Variants in KIF1C observed in about 807,000 individuals in gnomAD.
KIF1C encodes kinesin-like protein KIF1C.
A neutral mutation model predicts 126.5 loss-of-function variants in KIF1C; 61 were observed. The ratio of observed to expected loss-of-function variants is 0.48; its 90% CI spans 0.39 to 0.60. The LOEUF (loss-of-function observed/expected upper bound fraction) is 0.60. KIF1C is among the 20% of genes least tolerant of loss of function. KIF1C has a pLI of 0.00. For synonymous variants in KIF1C, 640 were observed against 580.6 expected, an observed-to-expected ratio of 1.10 and a Z score of -1.47; for missense variants, 1,315 against 1,489.2, an observed-to-expected ratio of 0.88 and a Z score of 1.93.
chr17:5,000,382 A>C, intron 3 of KIF1C, 30 bp downstream of exon 3: 1 of 1,454,830 alleles, frequency 6.9e-7, no homozygotes, highest in Non-Finnish European at 9.4e-7. Flanking sequence ...CTGGCTGGGC[A>C]CAGGCAGGGA....
chr17:5,002,827 G>C lies in KIF1C; in HGVS notation c.705G>C (p.Gly235=). Residue 235 remains glycine (G), a synonymous_variant, in exon 8 of 23, where the codon GGG becomes GGC. Coordinates refer to ENST00000320785, the MANE Select transcript of KIF1C (RefSeq NM_006612.6). ...FTQRCHDQLT[G]LDSEKVSKIS... ...AGCGCTGCCATGACCAGCTCACGGG[G>C]CTGGACTCGGAGAAGGTGGGATCGC... 19 of 1,611,990 alleles carry C rather than the reference G, an allele frequency of 1.2e-5. No individual in the cohort carries two copies. The highest frequency in any genetic ancestry group is 1.6e-5 in the Non-Finnish European group (19 of 1,179,560).
Position 5,023,196 on chromosome 17 carries a change from A to G in KIF1C, c.2629-272A>G, listed in dbSNP as rs776478256. On this transcript the variant is annotated intron_variant, in intron 22 of 22. Transcript: ENST00000320785. This position sits in a 1 kb window ranked among gnomAD's most constrained non-coding sequence, Gnocchi z 4.2. Reference sequence around the variant, plus strand: ...CACCCGGCTAATTTTTTTTTTTTGTATTTTAGTAGAGACGGGGTTTCACCA... The same window carrying G: ...CACCCGGCTAATTTTTTTTTTTTGTGTTTTAGTAGAGACGGGGTTTCACCA... Among the ~76,000 whole-genome samples the G allele has an allele frequency of 8.7e-5, 13 of 149,962 alleles. No homozygotes were observed. Among genetic ancestry groups the G allele is most frequent in the Non-Finnish European group, 1.9e-4 (13 of 67,508 alleles).
intron 12 of KIF1C, 47 bp from the exon 13 acceptor site, chr17:5,004,808 G>A: frequency 6.2e-7 from 1 of 1,612,816 alleles, no homozygotes. Flanking sequence ...GCAGACCAAG[G>A]GTCCCCTGCC....
At position 5,006,925 on chromosome 17, in the gene KIF1C, G is replaced by A. The variant is rs758448385; in HGVS notation, c.1176G>A (p.Thr392=). 12 of 1,610,060 alleles carry A rather than the reference G, an allele frequency of 7.5e-6. No homozygotes were observed. Among genetic ancestry groups the A allele is most frequent in the African/African-American group, 1.3e-5 (1 of 74,490 alleles). ...LSASALEGLK[T]EEGSVRGALP... ...CTTTCTCCCTCCCAGGCCTGAAGAC[G>A]GAAGAAGGGAGTGTCAGAGGCGCCC... The change falls in exon 14 of 23, where the codon ACG becomes ACA. Residue 392 remains threonine (T), a synonymous_variant. Transcript: ENST00000320785.
chr17:5,023,990 C>A lies in KIF1C; in HGVS notation c.3151C>A (p.Gln1051Lys). 6.3e-7 allele frequency: 1 copy of A among 1,598,056 alleles called. No individual in the cohort carries two copies. Among genetic ancestry groups the A allele is most frequent in the Middle Eastern group, 1.7e-4 (1 of 5,972 alleles). ...RGAGSAQPEPQHFQPKKHNSY... is the reference protein window; with the variant it reads ...RGAGSAQPEPKHFQPKKHNSY... ...AGCGGGTTCTGCACAGCCTGAACCC[C>A]AGCACTTCCAGCCCAAAAAGCACAA... The change falls in exon 23 of 23, where the codon CAG becomes AAG. Residue 1051 changes from glutamine to lysine, a missense_variant. By Grantham distance (53) the Gln-to-Lys change is moderately conservative (BLOSUM62 1). This residue lies in a region of KIF1C where 441 missense variants were observed against 436.1 expected (regional missense o/e 1.01). Transcript: ENST00000320785. The surrounding 1 kb of genome is among the most constrained non-coding windows in gnomAD (Gnocchi z 4.2).
chr17:5,000,176 C>A, intron 2 of KIF1C, 44 bp from the exon 3 acceptor site: 1 of 1,098,198 alleles, frequency 9.1e-7, no homozygotes, highest in East Asian at 2.6e-5. Context: ...TGTCTGGGTC[C>A]CTGCAGTGGT....
chr17:5,020,340 C>A lies in KIF1C; in HGVS notation c.1751-152C>A. 1 of 847,268 alleles carries A rather than the reference C, an allele frequency of 1.2e-6. No individual in the cohort carries two copies. The highest frequency in any genetic ancestry group is 1.8e-6 in the Non-Finnish European group (1 of 552,200). 52.5% of individuals were successfully genotyped at this position (847,268 alleles called of 1,614,324 possible). A position where few individuals can be genotyped will look rare whatever the true frequency, so the allele number is the denominator to read the frequency against. On this transcript the variant is annotated intron_variant, in intron 19 of 22. Transcript: ENST00000320785. The surrounding 1 kb of genome is among the most constrained non-coding windows in gnomAD (Gnocchi z 5.8). Reference sequence around the variant, plus strand: ...AATGGGGTTGGTCCCTGGGTGTCAGCCAGGGGAGCATAGGCTCCAACTGCC... The same window carrying A: ...AATGGGGTTGGTCCCTGGGTGTCAGACAGGGGAGCATAGGCTCCAACTGCC...
intron 13 of KIF1C, among the ~76,000 whole-genome samples, 176 bp from the exon 14 acceptor site, chr17:5,006,739 T>G (rs971512907): frequency 6.6e-6 from 1 of 152,200 alleles, no homozygotes; most frequent in Non-Finnish European, 1.5e-5. Context: ...GTAGAGAGAC[T>G]GGGTGCCCAT....
At chr17:5,008,531 G>T (rs1381387781) in intron 16 of KIF1C, among the ~76,000 whole-genome samples, 1 of 152,238 alleles carries the variant, frequency 6.6e-6, no homozygotes, top group Admixed American at 6.5e-5. Flanking sequence ...ACTGGGGGCT[G>T]CCTGGAAGAG....
At position 5,014,828 on chromosome 17, in the gene KIF1C, G is replaced by C. The variant is rs746926292; in HGVS notation, c.1657G>C (p.Asp553His). The part of the protein sequence containing the change: ...HCLFRSIPQP[D>H]GEVVVTLEPC... ...TCTGTTCCGGAGCATCCCCCAGCCA[G>C]ATGGAGAAGGTAATGGCTGAGGGGG... The change falls in exon 18 of 23, where the codon GAT (aspartate) becomes CAT (histidine). Residue 553 changes from aspartate (D) to histidine (H), a missense_variant. Around this residue, in one of 2 missense-constraint regions of KIF1C, gnomAD observed 874 missense variants for 1,053.2 expected, o/e 0.83. Coordinates refer to ENST00000320785, the MANE Select transcript of KIF1C (RefSeq NM_006612.6). The C allele has an allele frequency of 6.3e-7, 1 of 1,591,158 alleles. No homozygotes were observed. Among genetic ancestry groups the C allele is most frequent in the African/African-American group, 1.3e-5 (1 of 74,826 alleles).
At chr17:5,012,067 A>G (rs1050709690) in intron 16 of KIF1C, 2 of 152,230 alleles carry the variant, frequency 1.3e-5, no homozygotes, top group South Asian at 2.1e-4. Context: ...GCATGAGACA[A>G]TCAGAAACTC....
Position 5,002,461 on chromosome 17 carries a change from C to T in KIF1C, c.430-3C>T. On this transcript the variant is annotated splice_polypyrimidine_tract_variant and splice_region_variant and intron_variant, in intron 6 of 22. Transcript: ENST00000320785. ...TTACTTCTCATTTGCTTCTCCCACTCAGGTGAGCTATATGGAGATCTACTG... is the reference window on the plus strand; with the variant it reads ...TTACTTCTCATTTGCTTCTCCCACTTAGGTGAGCTATATGGAGATCTACTG... The T allele has an allele frequency of 6.4e-7, 1 of 1,569,520 alleles. No homozygotes were observed. Among genetic ancestry groups the T allele is most frequent in the African/African-American group, 1.4e-5 (1 of 73,414 alleles).
At chr17:5,007,905 A>T (rs1974772463) in intron 16 of KIF1C, among the ~76,000 whole-genome samples, 1 of 152,220 alleles carries the variant, frequency 6.6e-6, no homozygotes, top group African/African-American at 2.4e-5. Flanking sequence ...GACTAAAGGG[A>T]ATAGAGGAGG....
intron 3 of KIF1C, 97 bp downstream of exon 3, chr17:5,000,449 G>C (rs1597838368): frequency 1.2e-6 from 1 of 846,824 alleles, no homozygotes; most frequent in Non-Finnish European, 1.9e-6. Context: ...GGAGGGTAAT[G>C]CTGGGCACAG....
intron 1 of KIF1C, among the ~76,000 whole-genome samples, chr17:4,998,651 C>T (rs1974466362): frequency 6.6e-6 from 1 of 152,216 alleles, no homozygotes; most frequent in South Asian, 2.1e-4. Context: ...GGGGTCAGGG[C>T]TGTTCTTCCT....
chr17:5,002,183 T>A (rs1312114460), intron 6 of KIF1C, 59 bp downstream of exon 6: 4 of 1,467,752 alleles, frequency 2.7e-6, no homozygotes, highest in Non-Finnish European at 3.8e-6. Context: ...GGGCTGTCGC[T>A]GGAATCAGAC....
chr17:5,013,572 G>A, intron 16 of KIF1C, 81 bp from the exon 17 acceptor site: 1 of 996,426 alleles, frequency 1.0e-6, no homozygotes, highest in Non-Finnish European at 1.6e-6. Flanking sequence ...CTGGAGGGGT[G>A]TCTCCTCCCA....
At chr17:5,003,720 G>T (rs1221403812) in intron 9 of KIF1C, 31 bp downstream of exon 9, 1 of 1,599,878 alleles carries the variant, frequency 6.3e-7, no homozygotes, top group Non-Finnish European at 8.6e-7. Flanking sequence ...GGTTTGTTGT[G>T]GGGCAGTGTT....
Position 5,004,188 on chromosome 17 carries a change from T to A in KIF1C, c.940+115T>A. On this transcript the variant is annotated intron_variant, in intron 11 of 22. Coordinates refer to ENST00000320785, the MANE Select transcript of KIF1C (RefSeq NM_006612.6). ...ATCCCAAATCCCGTTGTCTTACTTC[T>A]CCCCCTGACCCTTCAAAGGGAACAT... The A allele has an allele frequency of 4.9e-6, 4 of 821,646 alleles. No homozygotes were observed. In the South Asian group the frequency reaches 5.4e-5, roughly 11 times the overall value. The allele number at this position is 821,646 out of a possible 1,614,324, so 50.9% of individuals were successfully genotyped here.
Sources: allele counts gnomAD v4.1 joint callset (sites outside exome capture counted in the v4.1 genomes callset), GRCh38; gene constraint gnomAD v4.1.1; regional missense constraint gnomAD v4.1.1; non-coding constraint Gnocchi (gnomAD v3.1); transcripts MANE v1.5; gene names NCBI Gene and HGNC (gene_info 2026-07-23, HGNC 2026-07-21).